The following XIRP2 variants were observed in gnomAD, a reference collection of about 807,000 sequenced individuals.
XIRP2 encodes xin actin-binding repeat-containing protein 2.
Under a neutral mutation model 277.0 loss-of-function variants are expected in XIRP2, and 236 were observed. That is an observed-to-expected ratio of 0.85 (90% CI 0.77 to 0.95). XIRP2 has a LOEUF of 0.95. Ranked by LOEUF, XIRP2 falls within the 40% of genes least tolerant of loss-of-function variation. The pLI is 0.00. For synonymous variants in XIRP2, 1,490 were observed against 1,416.5 expected, an observed-to-expected ratio of 1.05 and a Z score of -1.17; for missense variants, 4,640 against 4,157.5, an observed-to-expected ratio of 1.12 and a Z score of -3.19.
In XIRP2 at chr2:167,254,048, A is replaced by G. The variant is rs1294332202; in HGVS notation, c.10572A>G (p.Arg3524=). ...TATTTTTAGAAGCTGCTGCTCCAAG[A>G]CAAGGAAATATGTATACTTTGTCAA... ...SAFISEAAAP[R]QGNMYTLSKD... is the part of the protein sequence containing the mutation. Residue 3524 remains arginine (R), a synonymous_variant, in exon 10 of 11, where the codon AGA becomes AGG. Transcript: ENST00000409195. 5.6e-6 allele frequency: 9 copies of G among 1,593,968 alleles called. No homozygotes were observed. Among genetic ancestry groups the G allele is most frequent in the Non-Finnish European group, 7.7e-6 (9 of 1,170,290 alleles).
At chr2:167,181,843 A>G (rs1460652117) in intron 3 of XIRP2, among the ~76,000 whole-genome samples, 1 of 152,144 alleles carries the variant, frequency 6.6e-6, no homozygotes, top group African/African-American at 2.4e-5. Context: ...TCCAGTGGTG[A>G]GTCAAGACGG....
chr2:167,152,778 C>A (rs1208301073), intron 3 of XIRP2, among the ~76,000 whole-genome samples: 1 of 152,026 alleles, frequency 6.6e-6, no homozygotes, highest in Non-Finnish European at 1.5e-5. Context: ...GAGAATTGTT[C>A]TCTACTTTTA....
intron 2 of XIRP2, among the ~76,000 whole-genome samples, chr2:167,027,814 A>G (rs1241086325): frequency 2.6e-5 from 4 of 152,100 alleles, no homozygotes; most frequent in East Asian, 3.9e-4. Flanking sequence ...GAGAAGAAAT[A>G]ATTACTACTA....
At position 166,929,028 on chromosome 2, in the gene XIRP2, A is replaced by T. The variant is rs757245605; in HGVS notation, c.408+25138A>T. ...GGAGATTACTATATAATCTTTGTAA[A>T]TACTTTCTATCGCTGATACTCAAAG... On this transcript the variant is annotated intron_variant, in intron 2 of 10. Transcript: ENST00000409195. Among the ~76,000 whole-genome samples the T allele has an allele frequency of 3.9e-5, 6 of 152,136 alleles. 1 individual carries two copies. In the Middle Eastern group the frequency reaches 0.02, roughly 517 times the overall value.
Position 167,147,686 on chromosome 2 carries a change from G to T in XIRP2, c.562+11624G>T, listed in dbSNP as rs78959037. ...GAACTTTCCTGGGAGAGAACAATTA[G>T]AAGTTTGTGTCTTGTTTCTCTCAGA... On this transcript the variant is annotated intron_variant, in intron 3 of 10. Transcript: ENST00000409195. Among the ~76,000 whole-genome samples, 874 of 152,274 alleles carry T rather than the reference G, an allele frequency of 5.7e-3. 19 individuals are homozygous for T. Among genetic ancestry groups the T allele is most frequent in the Admixed American group, 0.04 (605 of 15,286 alleles).
chr2:167,112,693 C>G (rs1353771145), intron 2 of XIRP2, among the ~76,000 whole-genome samples: 1 of 151,478 alleles, frequency 6.6e-6, no homozygotes, highest in East Asian at 1.9e-4. Flanking sequence ...ACTCTGTTGC[C>G]CAGGCTGGAG....
At chr2:167,205,326 T>C (rs1185148792) in intron 3 of XIRP2, among the ~76,000 whole-genome samples, 1 of 151,988 alleles carries the variant, frequency 6.6e-6, no homozygotes, top group Non-Finnish European at 1.5e-5. Flanking sequence ...AAATAAACCT[T>C]ATCAATTATA....
intron 2 of XIRP2, among the ~76,000 whole-genome samples, chr2:166,975,804 T>C (rs1015002005): frequency 6.6e-6 from 1 of 151,688 alleles, no homozygotes; most frequent in Non-Finnish European, 1.5e-5. Context: ...CGGGCACCTG[T>C]AGTCCCAGCT....
Position 167,243,356 on chromosome 2 carries a change from G to A in XIRP2, c.1964G>A (p.Arg655Gln), listed in dbSNP as rs562536797. The A allele has an allele frequency of 1.7e-5, 27 of 1,614,018 alleles. No homozygotes were observed. Among genetic ancestry groups the A allele is most frequent in the South Asian group, 4.4e-5 (4 of 91,066 alleles). Residue 655 changes from arginine (R) to glutamine (Q), a missense_variant, in exon 9 of 11, where the codon CGG becomes CAG. Transcript: ENST00000409195. Reference protein sequence around the residue: ...ELARGDVCTARWMFETRPLDS... With the variant: ...ELARGDVCTAQWMFETRPLDS... ...GCCAGAGGAGATGTCTGCACAGCTC[G>A]GTGGATGTTTGAAACAAGGCCATTG... is the stretch of plus-strand genomic sequence containing the variant.
chr2:166,914,450 C>T (rs1323945663), intron 2 of XIRP2, among the ~76,000 whole-genome samples: 1 of 152,150 alleles, frequency 6.6e-6, no homozygotes, highest in Non-Finnish European at 1.5e-5. Context: ...ACGCCATTCT[C>T]CTGTCTCAGC....
At chr2:167,061,561 A>T (rs940531247) in intron 2 of XIRP2, among the ~76,000 whole-genome samples, 1 of 152,154 alleles carries the variant, frequency 6.6e-6, no homozygotes, top group Admixed American at 6.5e-5. Context: ...TCTAACCCCC[A>T]GTATCCGTGG....
At chr2:167,130,471 T>A (rs1027791638) in intron 2 of XIRP2, among the ~76,000 whole-genome samples, 19 of 152,070 alleles carry the variant, frequency 1.2e-4, no homozygotes, top group African/African-American at 4.6e-4. Flanking sequence ...TAGCTTTCAT[T>A]TTTTGGTCAC....
At chr2:167,162,428 G>A (rs1420417341) in intron 3 of XIRP2, among the ~76,000 whole-genome samples, 3 of 152,208 alleles carry the variant, frequency 2.0e-5, no homozygotes, top group African/African-American at 7.2e-5. Context: ...AATCATGGCA[G>A]AAGGTAGAAG....
In XIRP2 at chr2:167,246,175, A is replaced by G. The variant is rs1695255396; in HGVS notation, c.4783A>G (p.Ile1595Val). ...GCTAATGAACCAAGCATCTCCTGAG[A>G]TACAGAAAGAAGAAATTATCAGGGC... is the stretch of plus-strand genomic sequence containing the variant. ...YKLMNQASPE[I>V]QKEEIIRADL... Residue 1595 changes from isoleucine (I) to valine (V), a missense_variant, in exon 9 of 11, where the codon ATA (isoleucine) becomes GTA (valine). By Grantham distance (29) the Ile-to-Val change is conservative. Coordinates refer to ENST00000409195, the MANE Select transcript of XIRP2 (RefSeq NM_152381.6). 1 of 1,612,362 alleles carries G rather than the reference A, an allele frequency of 6.2e-7. No homozygotes were observed. The highest frequency in any genetic ancestry group is 8.5e-7 in the Non-Finnish European group (1 of 1,179,474).
intron 1 of XIRP2, among the ~76,000 whole-genome samples, chr2:166,888,863 G>C (rs946898226): frequency 1.4e-4 from 22 of 152,184 alleles, no homozygotes; most frequent in African/African-American, 4.1e-4. Context: ...ACGTAAGTTT[G>C]GCTATATATT....
In XIRP2 at chr2:167,244,680, G is replaced by A. The variant is rs760774320; in HGVS notation, c.3288G>A (p.Trp1096Ter). ...AAGGGGATGTCAAAACCTGTAAATGGCTTTTTGAGACCCAGCCAATGGAGT... is the reference window on the plus strand; with the variant it reads ...AAGGGGATGTCAAAACCTGTAAATGACTTTTTGAGACCCAGCCAATGGAGT... ...IVKGDVKTCKWLFETQPMESL... is the reference protein window; with the variant it reads ...IVKGDVKTCK Residue 1096 changes from tryptophan to a stop codon, truncating the protein, a stop_gained, in exon 9 of 11, where the codon TGG (tryptophan) becomes TGA (stop). Coordinates refer to ENST00000409195, the MANE Select transcript of XIRP2 (RefSeq NM_152381.6). LOFTEE classifies it high-confidence loss of function. The A allele has an allele frequency of 9.3e-6, 15 of 1,613,390 alleles. No homozygotes were observed. The Admixed American group carries it at 1.3e-4, about 14-fold the overall frequency.
intron 7 of XIRP2, among the ~76,000 whole-genome samples, chr2:167,241,166 G>A (rs1437456941): frequency 6.6e-6 from 1 of 152,038 alleles, no homozygotes; most frequent in Non-Finnish European, 1.5e-5. Flanking sequence ...ATTTCTGCAA[G>A]TTTGCACAAG....
In XIRP2 at chr2:167,249,332, C is replaced by G; in HGVS notation, c.7940C>G (p.Ala2647Gly). The change falls in exon 9 of 11, where the codon GCA becomes GGA. Residue 2647 changes from alanine to glycine, a missense_variant. Coordinates refer to ENST00000409195, the MANE Select transcript of XIRP2 (RefSeq NM_152381.6). ...GCCAAGAGGCTCCACCATGTTTTAG[C>G]AGCTTCAGAAGACAAAGATAAGATG... ...VAAKRLHHVL[A>G]ASEDKDKMKK... The G allele has an allele frequency of 6.2e-7, 1 of 1,613,752 alleles. No individual in the cohort carries two copies. The highest frequency in any genetic ancestry group is 1.1e-5 in the South Asian group (1 of 91,078).
intron 2 of XIRP2, among the ~76,000 whole-genome samples, chr2:167,045,904 A>G (rs1440352894): frequency 6.6e-6 from 1 of 152,080 alleles, no homozygotes; most frequent in South Asian, 2.1e-4. Context: ...TTGCCCATTC[A>G]GTATGATGTT....
Sources: allele counts gnomAD v4.1 joint callset (sites outside exome capture counted in the v4.1 genomes callset), GRCh38; gene constraint gnomAD v4.1.1; transcripts MANE v1.5; gene names NCBI Gene and HGNC (gene_info 2026-07-23, HGNC 2026-07-21).